The following VPS13C variants were observed in gnomAD, a reference collection of about 807,000 sequenced individuals.
VPS13C encodes the protein intermembrane lipid transfer protein VPS13C.
VPS13C carries 358 observed loss-of-function variants against 456.8 expected under a neutral mutation model. The observed-to-expected ratio is 0.78, with a 90% confidence interval of 0.72 to 0.86. The LOEUF (loss-of-function observed/expected upper bound fraction) is 0.86. VPS13C is among the 40% of genes least tolerant of loss of function. VPS13C has a pLI of 0.00. For missense variants in VPS13C, 4,818 were observed against 4,385.4 expected (o/e 1.10, Z -2.79); for synonymous variants, 1,578 against 1,486.7 (o/e 1.06, Z -1.41).
chr15:61,914,203 A>T (rs140923305), intron 61 of VPS13C, among the ~76,000 whole-genome samples: 1 of 152,300 alleles, frequency 6.6e-6, no homozygotes, highest in East Asian at 1.9e-4. Context: ...CCTGTTGGAA[A>T]TGCAAATTCT....
At chr15:61,859,031 C>T (rs1211848937) in intron 82 of VPS13C, among the ~76,000 whole-genome samples, 3 of 151,456 alleles carry the variant, frequency 2.0e-5, no homozygotes, top group Non-Finnish European at 4.4e-5. Flanking sequence ...AGATTACTCA[C>T]GTGTGTACTA....
intron 45 of VPS13C, among the ~76,000 whole-genome samples, chr15:61,944,461 A>G (rs1157285129): frequency 2.6e-5 from 4 of 152,220 alleles, no homozygotes; most frequent in East Asian, 1.9e-4. Flanking sequence ...TCATAAAAAA[A>G]GAATGAAATC....
At chr15:61,973,107 C>T (rs553374805) in intron 26 of VPS13C, among the ~76,000 whole-genome samples, 21 of 152,274 alleles carry the variant, frequency 1.4e-4, no homozygotes, top group Non-Finnish European at 2.5e-4. Context: ...TAGACATGGT[C>T]CTGTCCTGAT....
intron 66 of VPS13C, among the ~76,000 whole-genome samples, chr15:61,901,891 A>G (rs1203029201): frequency 6.6e-6 from 1 of 152,196 alleles, no homozygotes; most frequent in East Asian, 1.9e-4. Context: ...GACTGGATTA[A>G]GAAAATGTGG....
At chr15:61,975,333 T>C (rs1317464067) in intron 24 of VPS13C, among the ~76,000 whole-genome samples, 1 of 151,834 alleles carries the variant, frequency 6.6e-6, no homozygotes, top group African/African-American at 2.4e-5. Flanking sequence ...TGGAAACCAA[T>C]AGCTGGTTCT....
intron 1 of VPS13C, among the ~76,000 whole-genome samples, chr15:62,046,745 G>A (rs914893112): frequency 6.6e-6 from 1 of 152,178 alleles, no homozygotes; most frequent in South Asian, 2.1e-4. Flanking sequence ...CTTATAAAAA[G>A]TGGGCTGTTT....
At chr15:61,943,367 A>G (rs2044493035) in intron 45 of VPS13C, among the ~76,000 whole-genome samples, 1 of 152,216 alleles carries the variant, frequency 6.6e-6, no homozygotes, top group Admixed American at 6.5e-5. Flanking sequence ...ACTTTATACT[A>G]TACTATAAAG....
intron 51 of VPS13C, among the ~76,000 whole-genome samples, chr15:61,928,946 A>G (rs952919394): frequency 4.0e-5 from 6 of 151,528 alleles, no homozygotes; most frequent in East Asian, 3.9e-4. Context: ...AAAAGGAAAG[A>G]AAAAAAAGGG....
rs538854121 is a variant in VPS13C, at chr15:61,936,649, C to G, written c.5703G>C (p.Glu1901Asp). 2.9e-5 allele frequency: 47 copies of G among 1,610,914 alleles called. No individual in the cohort carries two copies. In the Admixed American group the frequency reaches 3.0e-4, roughly 10 times the overall value. The change falls in exon 48 of 85, where the codon GAG (glutamate) becomes GAC (aspartate). Residue 1901 changes from glutamate to aspartate, a missense_variant. Physicochemically the swap from Glu to Asp is conservative, Grantham distance 45. Coordinates refer to ENST00000644861, the MANE Select transcript of VPS13C (RefSeq NM_020821.3). ...CATCAACTTTTCTCACTCTTACAGT[C>G]TCCTGCACAGACTGTGTAGGGCTTG... ...SQPSPTQSVQ[E>D]TVRVRKVDVS...
chr15:62,015,669 C>T (rs1307586688), intron 9 of VPS13C, among the ~76,000 whole-genome samples: 10 of 137,592 alleles, frequency 7.3e-5, no homozygotes, highest in East Asian at 6.4e-4. Flanking sequence ...AGTAAACTAT[C>T]GCAAGAACAA....
chr15:61,864,809 T>C (rs1226284958), intron 81 of VPS13C: 15 of 984,652 alleles, frequency 1.5e-5, no homozygotes, highest in Non-Finnish European at 1.7e-5. Context: ...TTTAACACTT[T>C]TGCCTTAATT....
At chr15:61,895,709 G>C (rs2042787072) in intron 66 of VPS13C, among the ~76,000 whole-genome samples, 1 of 152,154 alleles carries the variant, frequency 6.6e-6, no homozygotes, top group African/African-American at 2.4e-5. Context: ...GGAACAGAAA[G>C]TTAAATACTG....
At chr15:62,046,030 T>C (rs2048389851) in intron 1 of VPS13C, among the ~76,000 whole-genome samples, 1 of 152,204 alleles carries the variant, frequency 6.6e-6, no homozygotes, top group Non-Finnish European at 1.5e-5. Context: ...TCACAGTGGT[T>C]ATTTCTATGT....
Position 61,984,960 on chromosome 15 carries a change from A to C in VPS13C, c.1618T>G (p.Ser540Ala). The C allele has an allele frequency of 6.2e-7, 1 of 1,604,480 alleles. No individual in the cohort carries two copies. Among genetic ancestry groups the C allele is most frequent in the African/African-American group, 1.3e-5 (1 of 74,452 alleles). ...TTCTTGTTTTCTCTTATCGTAACAG[A>C]GGTGCTTACTAACTTCAGGGTCATA... ...HIMTLKLVST[S>A]VTIRENKNIP... The change falls in exon 19 of 85, where the codon TCT becomes GCT. Residue 540 changes from serine (S) to alanine (A), a missense_variant. By Grantham distance (99) the Ser-to-Ala change is moderately conservative. This residue lies in a region of VPS13C where 4,552 missense variants were observed against 4,130.6 expected (regional missense o/e 1.10). Transcript: ENST00000644861.
intron 73 of VPS13C, 54 bp downstream of exon 73, chr15:61,880,555 T>C: frequency 7.8e-7 from 1 of 1,289,602 alleles, no homozygotes; most frequent in Non-Finnish European, 1.1e-6. Flanking sequence ...ACAGACCCTT[T>C]AAAAAGTTCT....
rs765196627 is a variant in VPS13C, at chr15:61,920,253, C to G, written c.7291G>C (p.Gly2431Arg). The change falls in exon 57 of 85, where the codon GGT becomes CGT. Residue 2431 changes from glycine (G) to arginine (R), a missense_variant. Physicochemically the swap from Gly to Arg is moderately radical, Grantham distance 125. Around this residue, in one of 3 missense-constraint regions of VPS13C, gnomAD observed 4,552 missense variants for 4,130.6 expected, o/e 1.10. Transcript: ENST00000644861. ...TTGGGCTTCACCTTAATGGGAACAC[C>G]TACAGCATTTTTTACCGTAAAAGGA... ...RAPFTVKNAV[G>R]VPIKVKPNCN... is the part of the protein sequence containing the mutation. 1 of 1,613,428 alleles carries G rather than the reference C, an allele frequency of 6.2e-7. No individual in the cohort carries two copies. The highest frequency in any genetic ancestry group is 2.2e-5 in the East Asian group (1 of 44,846).
At chr15:61,968,664 C>T (rs937166218) in intron 28 of VPS13C, among the ~76,000 whole-genome samples, 10 of 152,068 alleles carry the variant, frequency 6.6e-5, no homozygotes, top group Admixed American at 5.2e-4. Context: ...ACTAACTTTA[C>T]ATCCTATCAT....
chr15:61,940,587 C>A (rs1292270348), intron 47 of VPS13C, 60 bp downstream of exon 47: 11 of 1,548,228 alleles, frequency 7.1e-6, no homozygotes. Context: ...TAGAACTGCA[C>A]TATGATCAAC....
At chr15:61,971,163 T>C (rs748419599) in intron 27 of VPS13C, among the ~76,000 whole-genome samples, 17 of 152,230 alleles carry the variant, frequency 1.1e-4, no homozygotes, top group African/African-American at 1.7e-4. Context: ...TTGTAGGCCA[T>C]GGAAAGGACT....
Sources: gnomAD v4.1 joint callset for allele counts (sites outside exome capture counted in the v4.1 genomes callset) on GRCh38, gnomAD v4.1.1 for gene constraint, gnomAD v4.1.1 regional missense constraint, MANE v1.5 for transcripts, NCBI Gene and HGNC (gene_info 2026-07-23, HGNC 2026-07-21) for gene names.